Variants in DHX34 observed in about 807,000 individuals in gnomAD.
DHX34 encodes DExH-box helicase 34.
A neutral mutation model predicts 111.1 loss-of-function variants in DHX34; 96 were observed. The ratio of observed to expected loss-of-function variants is 0.86; its 90% CI spans 0.73 to 1.02. The LOEUF (loss-of-function observed/expected upper bound fraction) is 1.02, where lower values mean the gene tolerates loss of function less well. DHX34 is among the 50% of genes least tolerant of loss of function. The pLI, the probability that DHX34 is intolerant of heterozygous loss-of-function variation, is 0.00. For synonymous variants in DHX34, 688 were observed against 670.4 expected, an observed-to-expected ratio of 1.03 and a Z score of -0.41; for missense variants, 1,560 against 1,579.9, an observed-to-expected ratio of 0.99 and a Z score of 0.21.
intron 3 of DHX34, chr19:47,357,612 G>GGGGC (rs1969494187): frequency 4.8e-6 from 2 of 414,108 alleles, no homozygotes; most frequent in African/African-American, 2.2e-5. Context: ...CCACGACAAG[G>GGGGC]AATTATCCAG....
At chr19:47,359,376 C>T (rs1346047875) in intron 4 of DHX34, among the ~76,000 whole-genome samples, 1 of 150,678 alleles carries the variant, frequency 6.6e-6, no homozygotes, top group African/African-American at 2.4e-5. Flanking sequence ...GCAGGAGGAT[C>T]GCATGAGCTC....
At chr19:47,370,417 C>T (rs1770139569) in intron 7 of DHX34, among the ~76,000 whole-genome samples, 1 of 152,244 alleles carries the variant, frequency 6.6e-6, no homozygotes, top group African/African-American at 2.4e-5. Flanking sequence ...TCTTCCTCTC[C>T]CTCATTCCTG....
Position 47,367,199 on chromosome 19 carries a change from G to T in DHX34, c.1768+44G>T, listed in dbSNP as rs148027678. 20 of 1,389,246 alleles carry T rather than the reference G, an allele frequency of 1.4e-5. 1 individual carries two copies. The South Asian group carries it at 3.2e-4, about 23-fold the overall frequency. 86.1% of individuals were successfully genotyped at this position (1,389,246 alleles called of 1,614,324 possible). On this transcript the variant is annotated intron_variant, in intron 7 of 16. Transcript: ENST00000328771. Reference sequence around the variant, plus strand: ...CCTGATCACTCAGGGCCCCAGGAGCGGGTATGGGCACAGCTCACTCTCTGA... The same window carrying T: ...CCTGATCACTCAGGGCCCCAGGAGCTGGTATGGGCACAGCTCACTCTCTGA...
chr19:47,378,149 A>C (rs1009626843), intron 13 of DHX34, among the ~76,000 whole-genome samples: 1 of 152,120 alleles, frequency 6.6e-6, no homozygotes, highest in African/African-American at 2.4e-5. Context: ...GGGAACGTGG[A>C]GGGGAGAGAG....
chr19:47,379,186 C>T (rs953381788), intron 13 of DHX34, among the ~76,000 whole-genome samples: 6 of 152,024 alleles, frequency 3.9e-5, no homozygotes, highest in African/African-American at 1.2e-4. Context: ...AGAAACTTCA[C>T]ATTCACATAA....
At position 47,353,049 on chromosome 19, in the gene DHX34, A is replaced by C. The variant is rs1169481764; in HGVS notation, c.19A>C (p.Arg7=). ...TAGTAACATGCCTCCTCCTAGAACA[A>C]GGGAGGGCAGGGATCGCCGAGACCA... MPPPRT[R]EGRDRRDHHR... The change falls in exon 2 of 17, where the codon AGG becomes CGG. Residue 7 remains arginine, a synonymous_variant. Transcript: ENST00000328771. The surrounding 1 kb of genome is among the most constrained non-coding windows in gnomAD (Gnocchi z 4.6). The C allele has an allele frequency of 6.2e-7, 1 of 1,612,544 alleles. No individual in the cohort carries two copies. Among genetic ancestry groups the C allele is most frequent in the East Asian group, 2.2e-5 (1 of 44,836 alleles).
At chr19:47,356,992 T>C (rs1025042163) in intron 3 of DHX34, among the ~76,000 whole-genome samples, 2 of 152,160 alleles carry the variant, frequency 1.3e-5, no homozygotes, top group African/African-American at 4.8e-5. Flanking sequence ...TTTTGTTTTT[T>C]GTTTTTTGTT....
chr19:47,357,816 C>T (rs1969500792), intron 3 of DHX34, 50 bp from the exon 4 acceptor site: 3 of 1,577,032 alleles, frequency 1.9e-6, no homozygotes, highest in African/African-American at 1.3e-5. Flanking sequence ...GCCCATTGCT[C>T]TGAGCTGGAG....
intron 7 of DHX34, among the ~76,000 whole-genome samples, chr19:47,370,431 C>G (rs1969929576): frequency 6.6e-6 from 1 of 152,240 alleles, no homozygotes; most frequent in African/African-American, 2.4e-5. Context: ...ATTCCTGAGT[C>G]ATGCTCACCC....
At chr19:47,354,953 C>T (rs377447577) in intron 2 of DHX34, 86 bp from the exon 3 acceptor site, 14 of 1,558,254 alleles carry the variant, frequency 9.0e-6, no homozygotes, top group South Asian at 6.0e-5. Flanking sequence ...CGCACCCGGC[C>T]TGCTTAGATT....
rs779216684 is a variant in DHX34, at chr19:47,380,812, T to A, written c.2983-4T>A. 3 of 1,613,840 alleles carry A rather than the reference T, an allele frequency of 1.9e-6. No individual in the cohort carries two copies. The Admixed American group carries it at 5.0e-5, about 27-fold the overall frequency. ...CTCTCCATTTCCTGTCTCTCCTTCC[T>A]TAGATTCCTTACAGCCTCCGGCGGC... is the stretch of plus-strand genomic sequence containing the variant. On this transcript the variant is annotated splice_polypyrimidine_tract_variant and splice_region_variant and intron_variant, in intron 14 of 16. Transcript: ENST00000328771.
At chr19:47,360,275 T>G (rs1568397147) in intron 5 of DHX34, among the ~76,000 whole-genome samples, 1 of 152,172 alleles carries the variant, frequency 6.6e-6, no homozygotes, top group Non-Finnish European at 1.5e-5. Flanking sequence ...ATTTTATTAT[T>G]TGAGTATGTC....
At chr19:47,378,800 G>C (rs946430645) in intron 13 of DHX34, among the ~76,000 whole-genome samples, 1 of 150,704 alleles carries the variant, frequency 6.6e-6, no homozygotes, top group Non-Finnish European at 1.5e-5. Flanking sequence ...TGTTGACACT[G>C]CACTCCAGCC....
In DHX34 at chr19:47,376,558, G is replaced by A. The variant is rs1970169010; in HGVS notation, c.2597G>A (p.Arg866Gln). ...GAGGCCAGCAACTGCGACGGAAGCCGAGGTACAGTGAGCCCAGGCGGAAGG... is the reference window on the plus strand; with the variant it reads ...GAGGCCAGCAACTGCGACGGAAGCCAAGGTACAGTGAGCCCAGGCGGAAGG... ...ELEASNCDGSRDDKDKMSSKH... is the reference protein window; with the variant it reads ...ELEASNCDGSQDDKDKMSSKH... Residue 866 changes from arginine to glutamine, a missense_variant and splice_region_variant, in exon 12 of 17, where the codon CGA becomes CAA. Coordinates refer to ENST00000328771, the MANE Select transcript of DHX34 (RefSeq NM_014681.6). 4.5e-6 allele frequency: 7 copies of A among 1,555,954 alleles called. No individual in the cohort carries two copies. The Admixed American group carries it at 5.8e-5, about 13-fold the overall frequency.
intron 3 of DHX34, 45 bp downstream of exon 3, chr19:47,355,395 G>T: frequency 6.3e-7 from 1 of 1,590,596 alleles, no homozygotes; most frequent in Non-Finnish European, 8.6e-7. Flanking sequence ...CTCCAACCTG[G>T]TCTCTGTCCA....
chr19:47,368,044 G>A (rs559039290), intron 7 of DHX34, among the ~76,000 whole-genome samples: 5 of 151,072 alleles, frequency 3.3e-5, no homozygotes, highest in African/African-American at 7.3e-5. Context: ...TTTACCATAC[G>A]ACGTCTTGGA....
At chr19:47,381,497 C>T in intron 16 of DHX34, 173 bp downstream of exon 16, 2 of 960,696 alleles carry the variant, frequency 2.1e-6, no homozygotes, top group South Asian at 1.8e-5. Flanking sequence ...GAGCCCAAGG[C>T]AGGGAGAGCC....
intron 1 of DHX34, among the ~76,000 whole-genome samples, chr19:47,349,990 C>G (rs1005586595): frequency 1.3e-5 from 2 of 152,090 alleles, no homozygotes; most frequent in Non-Finnish European, 2.9e-5. Flanking sequence ...CTTAGCCTCT[C>G]TATTGCTCAG....
At position 47,353,140 on chromosome 19, in the gene DHX34, G is replaced by A. The variant is rs779113700; in HGVS notation, c.110G>A (p.Arg37His). 1.9e-6 allele frequency: 3 copies of A among 1,614,132 alleles called. No individual in the cohort carries two copies. Among genetic ancestry groups the A allele is most frequent in the East Asian group, 2.2e-5 (1 of 44,882 alleles). The change falls in exon 2 of 17, where the codon CGC (arginine) becomes CAC (histidine). Residue 37 changes from arginine to histidine, a missense_variant. By Grantham distance (29) the Arg-to-His change is conservative. Transcript: ENST00000328771. The surrounding 1 kb of genome is among the most constrained non-coding windows in gnomAD (Gnocchi z 4.6). The stretch of plus-strand genomic sequence containing the variant: ...GACTGGAATTGTCCAGAGACGCGTC[G>A]CCTCTTGGAAGATGCCTTCTTCCGT... ...KWDWNCPETR[R>H]LLEDAFFREE...
Sources: allele counts gnomAD v4.1 joint callset (sites outside exome capture counted in the v4.1 genomes callset), GRCh38; gene constraint gnomAD v4.1.1; non-coding constraint Gnocchi (gnomAD v3.1); transcripts MANE v1.5; gene names NCBI Gene and HGNC (gene_info 2026-07-23, HGNC 2026-07-21).